Variants in PTPRN2 observed in about 807,000 individuals in gnomAD.
PTPRN2 encodes the protein protein tyrosine phosphatase receptor type N2, also known as receptor-type tyrosine-protein phosphatase N2.
Under a neutral mutation model 118.8 loss-of-function variants are expected in PTPRN2, and 74 were observed. The ratio of observed to expected loss-of-function variants is 0.62; its 90% CI spans 0.52 to 0.76. The LOEUF (loss-of-function observed/expected upper bound fraction) is 0.76. Among genes scored for constraint, PTPRN2 ranks in the 30% least tolerant of loss-of-function variants. The pLI, the probability that PTPRN2 is intolerant of heterozygous loss-of-function variation, is 0.00. For missense variants in PTPRN2, 1,481 were observed against 1,394.4 expected (o/e 1.06, Z -0.99); for synonymous variants, 641 against 608.0 (o/e 1.05, Z -0.80).
chr7:158,231,036 T>G (rs577662193), intron 3 of PTPRN2, among the ~76,000 whole-genome samples: 1 of 152,106 alleles, frequency 6.6e-6, no homozygotes, highest in African/African-American at 2.4e-5. Flanking sequence ...ACAGGCCAAG[T>G]TGAGAGAATT....
chr7:158,214,213 A>T (rs1176733943), intron 3 of PTPRN2, among the ~76,000 whole-genome samples: 1 of 152,114 alleles, frequency 6.6e-6, no homozygotes. Context: ...GAGATGACAT[A>T]CGTCTTCCCA....
chr7:158,054,829 C>T (rs1809656636), intron 11 of PTPRN2, among the ~76,000 whole-genome samples: 2 of 152,228 alleles, frequency 1.3e-5, no homozygotes, highest in South Asian at 4.1e-4. Flanking sequence ...CCTGTATCTT[C>T]CCCTCTGTCC....
At chr7:158,311,326 G>A (rs1027582995) in intron 3 of PTPRN2, among the ~76,000 whole-genome samples, 2 of 152,130 alleles carry the variant, frequency 1.3e-5, no homozygotes, top group Non-Finnish European at 2.9e-5. Context: ...TTTTGCTTCT[G>A]ACATGCAGCT....
chr7:158,409,095 TTC>T (rs757150460), intron 2 of PTPRN2, among the ~76,000 whole-genome samples: 7 of 152,128 alleles, frequency 4.6e-5, no homozygotes, highest in African/African-American at 1.2e-4. Context: ...ACCCTGAAAG[TTC>T]TGTTTTCATT....
rs1563108417 is a variant in PTPRN2 at position 157,787,409 on chromosome 7, C to T, written c.1789-104472G>A. Among the ~76,000 whole-genome samples, 2 of 152,222 alleles carry T rather than the reference C, an allele frequency of 1.3e-5. No homozygotes were observed. Among genetic ancestry groups the T allele is most frequent in the Admixed American group, 6.5e-5 (1 of 15,304 alleles). ...TCTGAAGATGCCATAGAAAGTCTGG[C>T]GCAGCAGCCGGTGGGCCTGGGGGGC... On this transcript the variant is annotated intron_variant, in intron 12 of 22. Coordinates refer to ENST00000389418, the MANE Select transcript of PTPRN2 (RefSeq NM_002847.5). The surrounding 1 kb of genome is among the most constrained non-coding windows in gnomAD (Gnocchi z 5.3).
At chr7:157,633,972 C>A (rs1386468433) in intron 14 of PTPRN2, among the ~76,000 whole-genome samples, 2 of 152,210 alleles carry the variant, frequency 1.3e-5, no homozygotes, top group African/African-American at 2.4e-5. Flanking sequence ...AGGACTGCTG[C>A]AGCCCACCAT....
intron 12 of PTPRN2, among the ~76,000 whole-genome samples, chr7:157,756,419 C>T (rs922003317): frequency 3.9e-5 from 6 of 151,952 alleles, no homozygotes; most frequent in South Asian, 4.2e-4. Context: ...CTCAGCCTCC[C>T]GAAGTACCTG....
chr7:157,970,636 A>AGC (rs1802258360), intron 11 of PTPRN2, among the ~76,000 whole-genome samples: 1 of 111,500 alleles, frequency 9.0e-6, no homozygotes, highest in Non-Finnish European at 1.8e-5. Flanking sequence ...CTCAGAGCGG[A>AGC]CCCCCCCCCC....
At chr7:157,740,292 A>G (rs116443623) in intron 12 of PTPRN2, 9,683 of 152,124 alleles carry the variant, frequency 0.064, 578 homozygotes, top group African/African-American at 0.15. Context: ...TAACCTATCA[A>G]TGACCCAGAC....
intron 3 of PTPRN2, among the ~76,000 whole-genome samples, chr7:158,229,795 C>T (rs1294656677): frequency 6.6e-6 from 1 of 151,992 alleles, no homozygotes; most frequent in Non-Finnish European, 1.5e-5. Context: ...CAAGGGGAAG[C>T]TGAGCAAGAA....
chr7:158,071,090 G>A (rs1188463209), intron 11 of PTPRN2, among the ~76,000 whole-genome samples: 1 of 97,548 alleles, frequency 1.0e-5, no homozygotes, highest in Admixed American at 9.5e-5. Context: ...GGTGCCCGTG[G>A]TGGTGGAGGT....
At chr7:157,992,167 T>C (rs184796898) in intron 11 of PTPRN2, among the ~76,000 whole-genome samples, 355 of 152,354 alleles carry the variant, frequency 2.3e-3, no homozygotes, top group African/African-American at 8.3e-3. Flanking sequence ...CATGGAAAAT[T>C]GTGTATCACT....
chr7:158,190,108 T>C (rs1026627032), intron 5 of PTPRN2, among the ~76,000 whole-genome samples: 1 of 152,200 alleles, frequency 6.6e-6, no homozygotes, highest in Admixed American at 6.5e-5. Context: ...TTATCAACGA[T>C]AGTTACGGTT....
At chr7:158,347,171 T>A (rs1280763854) in intron 2 of PTPRN2, among the ~76,000 whole-genome samples, 2 of 152,232 alleles carry the variant, frequency 1.3e-5, no homozygotes, top group Non-Finnish European at 2.9e-5. Flanking sequence ...AAAAAATTGT[T>A]GCCCAGGATA....
chr7:158,212,045 A>C (rs1218329286), intron 3 of PTPRN2, among the ~76,000 whole-genome samples: 1 of 152,216 alleles, frequency 6.6e-6, no homozygotes, highest in Non-Finnish European at 1.5e-5. Context: ...TAAAAAGGTG[A>C]GATTCTTTCA....
intron 12 of PTPRN2, among the ~76,000 whole-genome samples, chr7:157,772,792 G>A (rs184172386): frequency 6.6e-6 from 1 of 152,218 alleles, no homozygotes; most frequent in Non-Finnish European, 1.5e-5. Context: ...GTCTTTGGTC[G>A]CTTTTGCATC....
chr7:158,136,034 G>A (rs1490517999), intron 8 of PTPRN2, among the ~76,000 whole-genome samples: 3 of 152,182 alleles, frequency 2.0e-5, no homozygotes, highest in Non-Finnish European at 4.4e-5. Context: ...GACATCGCCT[G>A]CGACTGGGCC....
chr7:158,152,645 C>A (rs529300457), intron 6 of PTPRN2, among the ~76,000 whole-genome samples: 7 of 152,312 alleles, frequency 4.6e-5, no homozygotes, highest in African/African-American at 1.4e-4. Flanking sequence ...CTGCCTTCAC[C>A]ACCAAATGCT....
chr7:158,251,238 G>T (rs1343328044), intron 3 of PTPRN2, among the ~76,000 whole-genome samples: 1 of 152,224 alleles, frequency 6.6e-6, no homozygotes, highest in Admixed American at 6.5e-5. Flanking sequence ...CCTGCCTGCT[G>T]AGGTCCCTGG....
Sources: allele counts gnomAD v4.1 joint callset (sites outside exome capture counted in the v4.1 genomes callset), GRCh38; gene constraint gnomAD v4.1.1; non-coding constraint Gnocchi (gnomAD v3.1); transcripts MANE v1.5; gene names NCBI Gene and HGNC (gene_info 2026-07-23, HGNC 2026-07-21).